The following PUDP variants were observed in gnomAD, a reference collection of about 807,000 sequenced individuals.
PUDP encodes pseudouridine-5'-phosphatase.
In PUDP, 8 loss-of-function variants were observed where a neutral mutation model predicts 9.4. The ratio of observed to expected loss-of-function variants is 0.85; its 90% CI spans 0.50 to 1.53. PUDP has a LOEUF of 1.53. Ranked by LOEUF, PUDP falls within the 40% of genes most tolerant of loss-of-function variation. The pLI, the probability that PUDP is intolerant of heterozygous loss-of-function variation, is 0.00. For missense variants in PUDP, 188 were observed against 189.7 expected, an observed-to-expected ratio of 0.99 and a Z score of 0.05; for synonymous variants, 99 against 80.7, an observed-to-expected ratio of 1.23 and a Z score of -1.22.
At chrX:6,976,157 G>A in intron 3 of PUDP, among the ~76,000 whole-genome samples, 1 of 112,037 alleles carries the variant, frequency 8.9e-6, no homozygotes, top group Non-Finnish European at 1.9e-5. Flanking sequence ...GGTATCCACT[G>A]ATCTAGGCCA....
rs766113116 is a variant in PUDP, at chrX:6,934,100, G to C, written c.*247+43033C>G. On this transcript the variant is annotated intron_variant and NMD_transcript_variant, in intron 3 of 3. Coordinates refer to the PUDP transcript ENST00000655425. ...AGAACTTCCCCAATCTAGCAAGGCA[G>C]GCCAACGTTCAGATTCAGGAAATAC... Among the ~76,000 whole-genome samples the C allele has an allele frequency of 6.6e-3, 668 of 101,601 alleles. 9 individuals are homozygous for C. The highest frequency in any genetic ancestry group is 0.022 in the Admixed American group (193 of 8,801). The allele number at this position is 101,601 out of a possible 115,157, so 88.2% of individuals were successfully genotyped here.
At chrX:6,714,484 C>A (rs1924572365) in intron 1 of PUDP, among the ~76,000 whole-genome samples, 1 of 110,886 alleles carries the variant, frequency 9.0e-6, no homozygotes, top group Non-Finnish European at 1.9e-5. Flanking sequence ...GTCTATATGT[C>A]TTTTGATGTA....
At chrX:6,798,478 T>G (rs747064631) in intron 3 of PUDP, among the ~76,000 whole-genome samples, 18 of 111,448 alleles carry the variant, frequency 1.6e-4, no homozygotes, top group Non-Finnish European at 3.0e-4. Flanking sequence ...ATAGTTTTGT[T>G]TTTTCATCAT....
At chrX:7,070,866 T>C (rs1460236792) in intron 3 of PUDP, among the ~76,000 whole-genome samples, 1 of 111,946 alleles carries the variant, frequency 8.9e-6, no homozygotes, top group African/African-American at 3.2e-5. Flanking sequence ...GCGTGAGCCA[T>C]CACGCCTGGC....
intron 1 of PUDP, among the ~76,000 whole-genome samples, chrX:7,019,943 GA>G (rs1281427377): frequency 1.8e-5 from 2 of 110,358 alleles, no homozygotes; most frequent in East Asian, 5.7e-4. Context: ...AAGATTGGGA[GA>G]ATTTTTTTTT....
At chrX:7,119,632 G>C (rs1932286864) in intron 1 of PUDP, among the ~76,000 whole-genome samples, 1 of 112,426 alleles carries the variant, frequency 8.9e-6, no homozygotes, top group Non-Finnish European at 1.9e-5. Context: ...AAAGATAATT[G>C]AGTGATCATC....
chrX:6,929,761 C>G (rs1928160394), intron 3 of PUDP, among the ~76,000 whole-genome samples: 1 of 111,656 alleles, frequency 9.0e-6, no homozygotes, highest in Non-Finnish European at 1.9e-5. Context: ...TTGGCTTACA[C>G]AACAAATAAT....
At chrX:7,118,458 C>T (rs1932255369) in intron 1 of PUDP, among the ~76,000 whole-genome samples, 1 of 112,221 alleles carries the variant, frequency 8.9e-6, no homozygotes. Flanking sequence ...CCAAACCTAC[C>T]TGGTTCAAAA....
At chrX:6,812,832 G>A (rs762460780) in intron 3 of PUDP, among the ~76,000 whole-genome samples, 6 of 112,052 alleles carry the variant, frequency 5.4e-5, no homozygotes, top group African/African-American at 1.6e-4. Context: ...GATGACTTAT[G>A]CCTGTAATCC....
chrX:6,977,828 T>A (rs1022283398), intron 2 of PUDP, among the ~76,000 whole-genome samples: 1 of 112,814 alleles, frequency 8.9e-6, no homozygotes, highest in Non-Finnish European at 1.9e-5. Context: ...AGACAATGCA[T>A]GAGCTAGCTC....
intron 1 of PUDP, among the ~76,000 whole-genome samples, chrX:7,010,926 A>T (rs1929467876): frequency 8.9e-6 from 1 of 112,137 alleles, no homozygotes; most frequent in Non-Finnish European, 1.9e-5. Context: ...TATGACAGAG[A>T]ACCTGGAGTC....
intron 1 of PUDP, among the ~76,000 whole-genome samples, chrX:7,033,661 G>A (rs756737982): frequency 1.8e-5 from 2 of 111,212 alleles, no homozygotes; most frequent in East Asian, 5.7e-4. Context: ...CATGGTCTAG[G>A]GGTTGGAGAG....
At chrX:6,886,572 T>C (rs1331017176) in intron 3 of PUDP, among the ~76,000 whole-genome samples, 1 of 111,734 alleles carries the variant, frequency 8.9e-6, no homozygotes, top group African/African-American at 3.3e-5. Flanking sequence ...ATTCTAGTTT[T>C]TTAACTCACC....
chrX:7,077,461 G>A lies in PUDP; in HGVS notation c.281-12C>T, dbSNP rs1274282551. 7 of 1,185,162 alleles carry A rather than the reference G, an allele frequency of 5.9e-6. No individual in the cohort carries two copies. The highest frequency in any genetic ancestry group is 8.0e-6 in the Non-Finnish European group (7 of 874,064). On this transcript the variant is annotated splice_polypyrimidine_tract_variant and intron_variant, in intron 2 of 3. Coordinates refer to ENST00000381077, the MANE Select transcript of PUDP (RefSeq NM_012080.5). ...GAGTTTCTCCGCCCCTGGGGAGGAG[G>A]AGGGAAGGACTGAGGTGAGGGGCGA...
chrX:6,773,958 G>GTTTC (rs1227624834), intron 3 of PUDP, among the ~76,000 whole-genome samples: 1 of 111,352 alleles, frequency 9.0e-6, no homozygotes, highest in Admixed American at 9.5e-5. Flanking sequence ...GGCCAACATG[G>GTTTC]TGAAACCCTG....
chrX:6,921,478 C>CA (rs1299411721), intron 3 of PUDP, among the ~76,000 whole-genome samples: 1 of 111,334 alleles, frequency 9.0e-6, no homozygotes, highest in African/African-American at 3.3e-5. Context: ...CTAATTCACT[C>CA]ACTCCTTAAA....
chrX:6,856,050 G>A (rs1926900760), intron 3 of PUDP, among the ~76,000 whole-genome samples: 1 of 111,600 alleles, frequency 9.0e-6, no homozygotes, highest in Admixed American at 9.5e-5. Flanking sequence ...CAGGCTTCTG[G>A]GAAGCCCTGT....
intron 1 of PUDP, among the ~76,000 whole-genome samples, chrX:6,719,796 T>G (rs1268252169): frequency 8.9e-6 from 1 of 112,137 alleles, no homozygotes; most frequent in Non-Finnish European, 1.9e-5. Context: ...ATTTTCTCAA[T>G]TAATATTCTT....
At chrX:6,869,967 A>G (rs958707696) in intron 3 of PUDP, among the ~76,000 whole-genome samples, 1 of 111,759 alleles carries the variant, frequency 8.9e-6, no homozygotes. Context: ...ACTCATGTTC[A>G]TAGCAGCACT....
Sources: gnomAD v4.1 joint callset for allele counts (sites outside exome capture counted in the v4.1 genomes callset) on GRCh38, gnomAD v4.1.1 for gene constraint, MANE v1.5 for transcripts, NCBI Gene and HGNC (gene_info 2026-07-23, HGNC 2026-07-21) for gene names.